CSMD1: variants seen among roughly 807,000 people sequenced by gnomAD.
CSMD1 encodes CUB and Sushi multiple domains 1.
In CSMD1, 213 loss-of-function variants were observed where a neutral mutation model predicts 417.5. The observed-to-expected ratio is 0.51, with a 90% CI of 0.46 to 0.57. The LOEUF is 0.57. Ranked by LOEUF, CSMD1 falls within the 20% of genes least tolerant of loss-of-function variation. The pLI, the probability that CSMD1 is intolerant of heterozygous loss-of-function variation, is 0.00. For synonymous variants in CSMD1, 2,862 were observed against 1,736.8 expected (o/e 1.65, Z -16.11); for missense variants, 6,923 against 4,529.7 (o/e 1.53, Z -15.17).
At chr8:3,736,610 G>A (rs1265950564) in intron 6 of CSMD1, among the ~76,000 whole-genome samples, 1 of 152,120 alleles carries the variant, frequency 6.6e-6, no homozygotes, top group African/African-American at 2.4e-5. Context: ...TGCAACACCA[G>A]GCAATGGCAG....
intron 3 of CSMD1, among the ~76,000 whole-genome samples, chr8:4,046,822 G>C (rs761562862): frequency 6.6e-6 from 1 of 152,044 alleles, no homozygotes; most frequent in African/African-American, 2.4e-5. Flanking sequence ...TGAACTCTAA[G>C]CGCCAGGCAC....
chr8:4,853,316 G>A (rs547844958), intron 1 of CSMD1, among the ~76,000 whole-genome samples: 7 of 152,296 alleles, frequency 4.6e-5, no homozygotes, highest in Non-Finnish European at 8.8e-5. Flanking sequence ...TCAGGGCTCT[G>A]AAGCCAGGAA....
At chr8:4,231,412 T>A (rs955496840) in intron 3 of CSMD1, among the ~76,000 whole-genome samples, 1 of 152,178 alleles carries the variant, frequency 6.6e-6, no homozygotes, top group Non-Finnish European at 1.5e-5. Context: ...ACAAAGTTGT[T>A]ACAAAAATTA....
At chr8:3,207,139 T>TTTTTC in intron 30 of CSMD1, among the ~76,000 whole-genome samples, 6 of 135,940 alleles carry the variant, frequency 4.4e-5, no homozygotes, top group African/African-American at 1.7e-4. Context: ...TTTCTTTTTT[T>TTTTTC]TTTTTCATTT....
intron 6 of CSMD1, among the ~76,000 whole-genome samples, chr8:3,741,404 T>A (rs1796797545): frequency 6.6e-6 from 1 of 152,032 alleles, no homozygotes; most frequent in South Asian, 2.1e-4. Flanking sequence ...TAGGGCCAGG[T>A]TATCCCATCC....
chr8:4,092,667 G>A (rs900117696), intron 3 of CSMD1, among the ~76,000 whole-genome samples: 11 of 152,158 alleles, frequency 7.2e-5, no homozygotes, highest in African/African-American at 2.7e-4. Context: ...ACAGAATTCA[G>A]TAGGTCCTTT....
intron 12 of CSMD1, among the ~76,000 whole-genome samples, chr8:3,461,391 A>G (rs887968293): frequency 6.6e-6 from 1 of 152,160 alleles, no homozygotes; most frequent in African/African-American, 2.4e-5. Context: ...TGTGGTCTTC[A>G]CCCTAAATCC....
intron 3 of CSMD1, among the ~76,000 whole-genome samples, chr8:4,181,070 A>C (rs1249748786): frequency 2.0e-5 from 3 of 152,220 alleles, no homozygotes; most frequent in African/African-American, 7.2e-5. Flanking sequence ...ATATGAAAAT[A>C]GGACAACAGA....
At chr8:4,691,620 C>G (rs564548351) in intron 1 of CSMD1, among the ~76,000 whole-genome samples, 39 of 152,256 alleles carry the variant, frequency 2.6e-4, no homozygotes, top group African/African-American at 9.4e-4. Flanking sequence ...AAATTATTTT[C>G]TGCACTCCAT....
At chr8:3,485,496 G>C (rs1817974015) in intron 11 of CSMD1, among the ~76,000 whole-genome samples, 1 of 144,906 alleles carries the variant, frequency 6.9e-6, no homozygotes, top group African/African-American at 2.6e-5. Flanking sequence ...ACTTAAACAG[G>C]TAGTGAAATT....
chr8:3,228,312 G>A (rs573916869), intron 27 of CSMD1, among the ~76,000 whole-genome samples: 22 of 152,192 alleles, frequency 1.4e-4, no homozygotes, highest in Admixed American at 8.5e-4. Context: ...ATTAACTCAT[G>A]CCCTAATGGG....
chr8:4,938,603 T>A (rs1261757577), intron 1 of CSMD1, among the ~76,000 whole-genome samples: 2 of 152,170 alleles, frequency 1.3e-5, no homozygotes, highest in African/African-American at 2.4e-5. Context: ...CATACTTGCA[T>A]AAACATTTAT....
At chr8:4,879,055 A>C (rs1274366595) in intron 1 of CSMD1, among the ~76,000 whole-genome samples, 2 of 152,026 alleles carry the variant, frequency 1.3e-5, no homozygotes, top group Non-Finnish European at 2.9e-5. Context: ...GGGTTAAGGT[A>C]GTAAGACTTG....
intron 3 of CSMD1, among the ~76,000 whole-genome samples, chr8:4,173,141 G>C (rs918583201): frequency 2.0e-5 from 3 of 152,282 alleles, no homozygotes; most frequent in East Asian, 1.9e-4. Flanking sequence ...AACAAGTATA[G>C]GGTTGCTAGA....
At chr8:4,947,040 G>A (rs191893985) in intron 1 of CSMD1, among the ~76,000 whole-genome samples, 1 of 152,238 alleles carries the variant, frequency 6.6e-6, no homozygotes, top group African/African-American at 2.4e-5. Context: ...TCTTTTACCA[G>A]TAGTATTGTT....
chr8:4,249,097 G>A (rs989935127), intron 3 of CSMD1, among the ~76,000 whole-genome samples: 3 of 152,114 alleles, frequency 2.0e-5, no homozygotes, highest in African/African-American at 7.2e-5. Context: ...CACCACTACA[G>A]ACTTCTCAAC....
chr8:4,075,993 G>C (rs1419405912), intron 3 of CSMD1, among the ~76,000 whole-genome samples: 1 of 152,076 alleles, frequency 6.6e-6, no homozygotes, highest in African/African-American at 2.4e-5. Flanking sequence ...TCTTTCTCTG[G>C]GAGGGTGGAG....
intron 3 of CSMD1, among the ~76,000 whole-genome samples, chr8:4,230,741 G>T (rs1173914221): frequency 2.6e-5 from 4 of 151,974 alleles, no homozygotes; most frequent in Non-Finnish European, 5.9e-5. Context: ...CCGATTACAA[G>T]CTATTGAAAT....
chr8:3,727,438 C>T (rs889808055), intron 6 of CSMD1, among the ~76,000 whole-genome samples: 3 of 152,108 alleles, frequency 2.0e-5, no homozygotes, highest in African/African-American at 7.2e-5. Flanking sequence ...GTCTAATATT[C>T]TAACATGAGG....
Sources: gnomAD v4.1 joint callset for allele counts (sites outside exome capture counted in the v4.1 genomes callset) on GRCh38, gnomAD v4.1.1 for gene constraint, MANE v1.5 for transcripts, NCBI Gene and HGNC (gene_info 2026-07-23, HGNC 2026-07-21) for gene names.